APBB1IP: variants seen among roughly 807,000 people sequenced by gnomAD.
APBB1IP encodes the protein amyloid beta precursor protein binding family B member 1 interacting protein.
In APBB1IP, 27 loss-of-function variants were observed where a neutral mutation model predicts 64.9. That is an observed-to-expected ratio of 0.42 (90% confidence interval 0.31 to 0.57). The LOEUF (loss-of-function observed/expected upper bound fraction) is 0.57, where lower values mean the gene tolerates loss of function less well. Among genes scored for constraint, APBB1IP ranks in the 20% least tolerant of loss-of-function variants. APBB1IP has a pLI of 0.20. For missense variants in APBB1IP, 812 were observed against 845.5 expected (o/e 0.96, Z 0.49); for synonymous variants, 392 against 331.0 (o/e 1.18, Z -2.00).
rs1203259706 is a variant in APBB1IP at position 26,554,607 on chromosome 10, G to A, written c.1156-5498G>A. ...TGGTGTTTTTTGTTTTCTTGAGACAGGGTCTCACTCTGTTGCTCAGGCTGA... is the reference window on the plus strand; with the variant it reads ...TGGTGTTTTTTGTTTTCTTGAGACAAGGTCTCACTCTGTTGCTCAGGCTGA... On this transcript the variant is annotated intron_variant, in intron 11 of 14. Transcript: ENST00000376236. 2.0e-5 allele frequency among the ~76,000 whole-genome samples: 3 copies of A among 152,122 alleles called. No individual in the cohort carries two copies. The East Asian group carries it at 5.8e-4, about 29-fold the overall frequency.
intron 8 of APBB1IP, among the ~76,000 whole-genome samples, chr10:26,524,955 CTTTT>C (rs56982662): frequency 2.0e-4 from 15 of 73,970 alleles, no homozygotes; most frequent in East Asian, 5.5e-4. Context: ...TTCTTTCTTT[CTTTT>C]TTTTTTTTTT....
At chr10:26,446,731 C>T (rs1835402569) in intron 2 of APBB1IP, among the ~76,000 whole-genome samples, 1 of 152,150 alleles carries the variant, frequency 6.6e-6, no homozygotes, top group Admixed American at 6.5e-5. Context: ...GTCCCCTGCC[C>T]AGCATGGTGG....
intron 10 of APBB1IP, among the ~76,000 whole-genome samples, chr10:26,538,649 A>G (rs1159754377): frequency 2.6e-5 from 4 of 151,920 alleles, no homozygotes; most frequent in Admixed American, 1.3e-4. Flanking sequence ...CTCAAAAAAA[A>G]AAAAAAAAGT....
chr10:26,474,158 C>T (rs1009871500), intron 2 of APBB1IP, among the ~76,000 whole-genome samples: 1 of 152,088 alleles, frequency 6.6e-6, no homozygotes, highest in African/African-American at 2.4e-5. Flanking sequence ...CCAGTTCTAG[C>T]GTGGGCTGTG....
At chr10:26,517,316 A>T (rs1019836892) in intron 8 of APBB1IP, among the ~76,000 whole-genome samples, 2 of 152,260 alleles carry the variant, frequency 1.3e-5, no homozygotes, top group African/African-American at 4.8e-5. Context: ...AGGGAGTTGC[A>T]GCGGCCTTCC....
intron 2 of APBB1IP, among the ~76,000 whole-genome samples, chr10:26,476,078 T>A (rs76705759): frequency 6.7e-6 from 1 of 149,252 alleles, no homozygotes; most frequent in African/African-American, 2.5e-5. Flanking sequence ...TTTTTTTTTT[T>A]GAGAGAGTCT....
chr10:26,553,900 C>T (rs1285055080), intron 11 of APBB1IP, among the ~76,000 whole-genome samples: 1 of 152,040 alleles, frequency 6.6e-6, no homozygotes, highest in Non-Finnish European at 1.5e-5. Context: ...CCCTACTCTG[C>T]TTCTGCTGGT....
In APBB1IP at chr10:26,467,403, T is replaced by G. The variant is rs767295551; in HGVS notation, c.1-24924T>G. ...CCTGTAGAGCAGTGGTTCTCAAACT[T>G]TAATATGCAATAGAATCATATGGAA... On this transcript the variant is annotated intron_variant, in intron 2 of 14. Coordinates refer to ENST00000376236, the MANE Select transcript of APBB1IP (RefSeq NM_019043.4). Among the ~76,000 whole-genome samples, 45 of 152,198 alleles carry G rather than the reference T, an allele frequency of 3.0e-4. 1 individual carries two copies. The highest frequency in any genetic ancestry group is 6.0e-4 in the Non-Finnish European group (41 of 68,026).
At chr10:26,545,638 T>G (rs1012775849) in intron 11 of APBB1IP, among the ~76,000 whole-genome samples, 1 of 151,974 alleles carries the variant, frequency 6.6e-6, no homozygotes, top group Non-Finnish European at 1.5e-5. Context: ...CGGGCGCCTG[T>G]AGTCCCAGCT....
rs777839599 is a variant in APBB1IP, at chr10:26,501,101, C to T, written c.443C>T (p.Pro148Leu). Residue 148 changes from proline (P) to leucine (L), a missense_variant, in exon 5 of 15, where the codon CCT (proline) becomes CTT (leucine). This residue lies in a region of APBB1IP where 394 missense variants were observed against 413.1 expected (regional missense o/e 0.95). Coordinates refer to ENST00000376236, the MANE Select transcript of APBB1IP (RefSeq NM_019043.4). ...CCACTGCCACCACCACCTCCTGAACCTCTCTCTCAGGTAAGTATGTGGGAC... is the reference window on the plus strand; with the variant it reads ...CCACTGCCACCACCACCTCCTGAACTTCTCTCTCAGGTAAGTATGTGGGAC... ...DLPLPPPPPE[P>L]LSQEEEEAQA... is the part of the protein sequence containing the mutation. 2 of 1,614,172 alleles carry T rather than the reference C, an allele frequency of 1.2e-6. No individual in the cohort carries two copies. Among genetic ancestry groups the T allele is most frequent in the Non-Finnish European group, 1.7e-6 (2 of 1,180,030 alleles).
At chr10:26,497,244 G>A (rs1836036728) in intron 4 of APBB1IP, among the ~76,000 whole-genome samples, 1 of 151,962 alleles carries the variant, frequency 6.6e-6, no homozygotes, top group East Asian at 1.9e-4. Flanking sequence ...TAGGCCACGT[G>A]CTATTCATAT....
chr10:26,554,802 T>C (rs1272288420), intron 11 of APBB1IP, among the ~76,000 whole-genome samples: 1 of 152,110 alleles, frequency 6.6e-6, no homozygotes, highest in Non-Finnish European at 1.5e-5. Context: ...AAGCTGATCT[T>C]GAGCTCTTGG....
rs1835808503 is a variant in APBB1IP at position 26,479,262 on chromosome 10, T to G, written c.1-13065T>G. 8.3e-4 allele frequency among the ~76,000 whole-genome samples: 2 copies of G among 2,414 alleles called. 1 individual carries two copies. The highest frequency in any genetic ancestry group is 0.05 in the African/African-American group (2 of 40). 1.6% of individuals were successfully genotyped at this position (2,414 alleles called of 152,430 possible). On this transcript the variant is annotated intron_variant, in intron 2 of 14. Coordinates refer to ENST00000376236, the MANE Select transcript of APBB1IP (RefSeq NM_019043.4). ...GTGAGCCGAGATCCCGCCACTGCACTCCAGCCTGGGCGACAGAGCGAGACT... is the reference window on the plus strand; with the variant it reads ...GTGAGCCGAGATCCCGCCACTGCACGCCAGCCTGGGCGACAGAGCGAGACT...
rs191767275 is a variant in APBB1IP at position 26,450,076 on chromosome 10, A to G, written c.-1+11223A>G. Among the ~76,000 whole-genome samples the G allele has an allele frequency of 3.8e-3, 571 of 152,198 alleles. 1 individual carries two copies. The highest frequency in any genetic ancestry group is 5.6e-3 in the Non-Finnish European group (384 of 67,986). The stretch of plus-strand genomic sequence containing the variant: ...TAGTATGGAAAGTAAAATTATGGAG[A>G]ATGGTTTACAGCATCTCAGAGAAGG... On this transcript the variant is annotated intron_variant, in intron 2 of 14. Coordinates refer to ENST00000376236, the MANE Select transcript of APBB1IP (RefSeq NM_019043.4).
At chr10:26,516,736 A>G (rs146824986) in intron 8 of APBB1IP, among the ~76,000 whole-genome samples, 16 of 151,978 alleles carry the variant, frequency 1.1e-4, no homozygotes, top group Admixed American at 4.6e-4. Flanking sequence ...GAGATATTTA[A>G]CCTTTTATTT....
chr10:26,466,627 C>A (rs1263963242), intron 2 of APBB1IP, among the ~76,000 whole-genome samples: 1 of 152,256 alleles, frequency 6.6e-6, no homozygotes, highest in Admixed American at 6.5e-5. Flanking sequence ...ATAGCAAGAA[C>A]TCGGCCCCAC....
At position 26,503,293 on chromosome 10, in the gene APBB1IP, T is replaced by C; in HGVS notation, c.531+19T>C. ...TAAGAAGGTGAATCATGAATCCCTT[T>C]TGCATGGGGGCAGTTCAATTAAGGA... On this transcript the variant is annotated intron_variant, in intron 6 of 14. Transcript: ENST00000376236. 1 of 1,613,068 alleles carries C rather than the reference T, an allele frequency of 6.2e-7. No homozygotes were observed. The highest frequency in any genetic ancestry group is 8.5e-7 in the Non-Finnish European group (1 of 1,179,210).
chr10:26,475,259 A>G (rs766545526), intron 2 of APBB1IP, among the ~76,000 whole-genome samples: 7 of 151,564 alleles, frequency 4.6e-5, no homozygotes, highest in Non-Finnish European at 8.8e-5. Flanking sequence ...AGCATCTGGG[A>G]TTATAGGCCC....
chr10:26,524,032 AC>A (rs1198911699), intron 8 of APBB1IP, among the ~76,000 whole-genome samples: 2 of 152,204 alleles, frequency 1.3e-5, no homozygotes, highest in East Asian at 3.9e-4. Flanking sequence ...AAACTATGGC[AC>A]CGTGGCATGC....
Sources: gnomAD v4.1 joint callset for allele counts (sites outside exome capture counted in the v4.1 genomes callset) on GRCh38, gnomAD v4.1.1 for gene constraint, gnomAD v4.1.1 regional missense constraint, MANE v1.5 for transcripts, NCBI Gene and HGNC (gene_info 2026-07-23, HGNC 2026-07-21) for gene names.